KCNJ3: variants seen among roughly 807,000 people sequenced by gnomAD.
KCNJ3 encodes G protein-activated inward rectifier potassium channel 1.
In KCNJ3, 4 loss-of-function variants were observed where a neutral mutation model predicts 39.2. The ratio of observed to expected loss-of-function variants is 0.10; its 90% CI spans 0.05 to 0.23. The LOEUF (loss-of-function observed/expected upper bound fraction) is 0.23, where lower values mean the gene tolerates loss of function less well. Among genes scored for constraint, KCNJ3 ranks in the 10% least tolerant of loss-of-function variants. The pLI is 1.00. For synonymous variants in KCNJ3, 230 were observed against 237.4 expected (o/e 0.97, Z 0.29); for missense variants, 276 against 634.9 (o/e 0.43, Z 6.08).
chr2:154,767,622 T>C (rs958780229), intron 2 of KCNJ3, among the ~76,000 whole-genome samples: 74 of 152,232 alleles, frequency 4.9e-4, no homozygotes, highest in Non-Finnish European at 4.7e-4. Flanking sequence ...GTCTTTGCTA[T>C]TGTGAGTAGT....
chr2:154,819,937 G>C (rs1687145553), intron 2 of KCNJ3, among the ~76,000 whole-genome samples: 1 of 151,840 alleles, frequency 6.6e-6, no homozygotes, highest in African/African-American at 2.4e-5. Flanking sequence ...TTTATGATGA[G>C]TATGTTCAAA....
chr2:154,736,434 G>GAAAA (rs1685532624), intron 2 of KCNJ3, among the ~76,000 whole-genome samples: 1 of 125,736 alleles, frequency 8.0e-6, no homozygotes, highest in South Asian at 2.7e-4. Flanking sequence ...AAACAAACCT[G>GAAAA]ACACTGTGAC....
chr2:154,741,973 C>T (rs1685661514), intron 2 of KCNJ3, among the ~76,000 whole-genome samples: 2 of 151,640 alleles, frequency 1.3e-5, no homozygotes, highest in Admixed American at 1.3e-4. Context: ...TCACTATCAT[C>T]CCTCTCTATA....
At chr2:154,726,451 C>A (rs1273509911) in intron 2 of KCNJ3, among the ~76,000 whole-genome samples, 1 of 151,882 alleles carries the variant, frequency 6.6e-6, no homozygotes, top group Non-Finnish European at 1.5e-5. Flanking sequence ...ATCAAAAAAT[C>A]AAAAAATAAT....
chr2:154,855,101 G>C lies in KCNJ3; in HGVS notation c.1294G>C (p.Asp432His), dbSNP rs1352374841. The C allele has an allele frequency of 1.9e-6, 3 of 1,614,040 alleles. No homozygotes were observed. The highest frequency in any genetic ancestry group is 2.5e-6 in the Non-Finnish European group (3 of 1,179,972). ...TTCAGAAAAAGCCTACAGCTTGGGA[G>C]ACTTGCCCATGAAACTTCAACGAAT... The part of the protein sequence containing the change: ...TTSEKAYSLG[D>H]LPMKLQRISS... Residue 432 changes from aspartate to histidine, a missense_variant, in exon 3 of 3, where the codon GAC becomes CAC. Around this residue, in one of 4 missense-constraint regions of KCNJ3, gnomAD observed 126 missense variants for 179.8 expected, o/e 0.70. Coordinates refer to ENST00000295101, the MANE Select transcript of KCNJ3 (RefSeq NM_002239.4).
intron 2 of KCNJ3, among the ~76,000 whole-genome samples, chr2:154,751,299 A>G (rs1315178005): frequency 6.6e-6 from 1 of 152,028 alleles, no homozygotes; most frequent in Non-Finnish European, 1.5e-5. Context: ...TCTCTAAGGA[A>G]AGCTTTAGCT....
At chr2:154,840,062 G>A (rs2105128516) in intron 2 of KCNJ3, among the ~76,000 whole-genome samples, 1 of 152,138 alleles carries the variant, frequency 6.6e-6, no homozygotes, top group Non-Finnish European at 1.5e-5. Context: ...GAGTTTTTAT[G>A]GTTTTAGGTC....
chr2:154,746,368 G>C (rs935677719), intron 2 of KCNJ3, among the ~76,000 whole-genome samples: 18 of 151,772 alleles, frequency 1.2e-4, no homozygotes, highest in African/African-American at 4.1e-4. Context: ...GTTTAAGGGT[G>C]AACTGTATAA....
intron 2 of KCNJ3, among the ~76,000 whole-genome samples, chr2:154,726,913 C>G (rs1343854169): frequency 2.0e-5 from 3 of 151,592 alleles, no homozygotes; most frequent in African/African-American, 7.3e-5. Context: ...AACTCAAACT[C>G]AGGAATAGAA....
At chr2:154,780,371 A>T (rs1686415579) in intron 2 of KCNJ3, among the ~76,000 whole-genome samples, 1 of 152,168 alleles carries the variant, frequency 6.6e-6, no homozygotes, top group African/African-American at 2.4e-5. Context: ...ACTTAAGTTT[A>T]TCTTATAGGT....
At chr2:154,717,643 G>A (rs1040745901) in intron 2 of KCNJ3, among the ~76,000 whole-genome samples, 1 of 152,076 alleles carries the variant, frequency 6.6e-6, no homozygotes, top group Admixed American at 6.6e-5. Flanking sequence ...ACATAAAAAT[G>A]ATAAATTAAG....
At chr2:154,813,234 G>A (rs925765928) in intron 2 of KCNJ3, among the ~76,000 whole-genome samples, 2 of 151,922 alleles carry the variant, frequency 1.3e-5, no homozygotes, top group Non-Finnish European at 2.9e-5. Context: ...TTCATTTTCT[G>A]CCAGGCACAG....
chr2:154,777,105 T>G (rs1686349700), intron 2 of KCNJ3, among the ~76,000 whole-genome samples: 1 of 152,120 alleles, frequency 6.6e-6, no homozygotes, highest in African/African-American at 2.4e-5. Context: ...GCTAAATTTG[T>G]CCGATGGATC....
intron 2 of KCNJ3, among the ~76,000 whole-genome samples, chr2:154,830,342 A>G (rs1475055523): frequency 2.6e-5 from 4 of 152,184 alleles, no homozygotes; most frequent in Non-Finnish European, 5.9e-5. Flanking sequence ...CATATTCCTG[A>G]AAAAGTAGCA....
intron 1 of KCNJ3, among the ~76,000 whole-genome samples, chr2:154,708,342 A>G (rs1179417766): frequency 6.6e-6 from 1 of 152,138 alleles, no homozygotes; most frequent in Middle Eastern, 3.2e-3. Flanking sequence ...TTGCTAAGCC[A>G]CATTTCTCAG....
intron 2 of KCNJ3, among the ~76,000 whole-genome samples, chr2:154,836,070 C>T (rs908613395): frequency 1.3e-5 from 2 of 151,854 alleles, no homozygotes; most frequent in Non-Finnish European, 2.9e-5. Context: ...ATTAACCTGG[C>T]GTGGTGGCAT....
intron 2 of KCNJ3, among the ~76,000 whole-genome samples, chr2:154,746,488 T>G (rs1334354344): frequency 2.0e-5 from 3 of 151,566 alleles, no homozygotes; most frequent in African/African-American, 7.3e-5. Flanking sequence ...TTTTTATTTA[T>G]GTTATTTTTA....
At chr2:154,767,585 A>G (rs1384406695) in intron 2 of KCNJ3, among the ~76,000 whole-genome samples, 3 of 152,218 alleles carry the variant, frequency 2.0e-5, no homozygotes, top group Admixed American at 2.0e-4. Flanking sequence ...CCAGTCTATC[A>G]CTGATGGACA....
At chr2:154,834,491 G>C (rs770476137) in intron 2 of KCNJ3, among the ~76,000 whole-genome samples, 2 of 152,066 alleles carry the variant, frequency 1.3e-5, no homozygotes, top group Non-Finnish European at 2.9e-5. Context: ...CAGCACTTTG[G>C]GCTGCCGAGG....
Sources: gnomAD v4.1 joint callset for allele counts (sites outside exome capture counted in the v4.1 genomes callset) on GRCh38, gnomAD v4.1.1 for gene constraint, gnomAD v4.1.1 regional missense constraint, MANE v1.5 for transcripts, NCBI Gene and HGNC (gene_info 2026-07-23, HGNC 2026-07-21) for gene names.